ADGRL3: variants seen among roughly 807,000 people sequenced by gnomAD.
ADGRL3 encodes the protein adhesion G protein-coupled receptor L3.
A neutral mutation model predicts 153.5 loss-of-function variants in ADGRL3; 62 were observed. The observed-to-expected ratio is 0.40, with a 90% confidence interval of 0.33 to 0.50. The LOEUF is 0.50. ADGRL3 is among the 20% of genes least tolerant of loss of function. ADGRL3 has a pLI of 0.47. For missense variants in ADGRL3, 1,641 were observed against 1,859.4 expected (o/e 0.88, Z 2.16); for synonymous variants, 710 against 672.5 (o/e 1.06, Z -0.86).
intron 4 of ADGRL3, among the ~76,000 whole-genome samples, chr4:61,581,490 T>C (rs2098925318): frequency 6.6e-6 from 1 of 152,036 alleles, no homozygotes; most frequent in Non-Finnish European, 1.5e-5. Flanking sequence ...TCTTTTTGAA[T>C]GAACTTGACT....
chr4:61,465,319 AAAG>A lies in ADGRL3; in HGVS notation c.-173-31797_-173-31795del, dbSNP rs1385121665. Among the ~76,000 whole-genome samples, 5 of 152,282 alleles carry A rather than the reference AAAG, an allele frequency of 3.3e-5. No homozygotes were observed. The East Asian group carries it at 9.7e-4, about 29-fold the overall frequency. On this transcript the variant is annotated intron_variant, in intron 2 of 26. Transcript: ENST00000683033. ...TATTAAAGTTAGTATAGCATGTCCA[AAAG>A]AAGATGGGTAGGCTTTCATGAAATA...
In ADGRL3 at chr4:61,912,710, T is replaced by C. The variant is rs1474799094; in HGVS notation, c.2074-9T>C. 1.9e-6 allele frequency: 3 copies of C among 1,612,888 alleles called. No homozygotes were observed. The highest frequency in any genetic ancestry group is 2.5e-6 in the Non-Finnish European group (3 of 1,179,198). On this transcript the variant is annotated splice_polypyrimidine_tract_variant and intron_variant, in intron 12 of 26. Coordinates refer to ENST00000683033, the MANE Select transcript of ADGRL3 (RefSeq NM_001387552.1). ...TTCTGTGTTTAATCTGCTGTCTTAA[T>C]GGATTCAGCTTCAGAAAAGAGAGCG...
At chr4:61,372,135 A>T (rs1180486386) in intron 1 of ADGRL3, among the ~76,000 whole-genome samples, 2 of 151,848 alleles carry the variant, frequency 1.3e-5, no homozygotes, top group South Asian at 4.2e-4. Context: ...ATTCTTCTAA[A>T]TTTTTTTGAA....
intron 6 of ADGRL3, among the ~76,000 whole-genome samples, chr4:61,722,381 G>C (rs1489902342): frequency 6.6e-6 from 1 of 151,928 alleles, no homozygotes; most frequent in Admixed American, 6.6e-5. Flanking sequence ...AACCCAACAA[G>C]ACATTCCATG....
At chr4:61,728,675 T>C (rs1197198799) in intron 6 of ADGRL3, among the ~76,000 whole-genome samples, 2 of 152,044 alleles carry the variant, frequency 1.3e-5, no homozygotes, top group African/African-American at 2.4e-5. Flanking sequence ...CAGGAAGATA[T>C]TGCTATCTAA....
Position 61,996,367 on chromosome 4 carries a change from C to A in ADGRL3, c.3303+10C>A. The A allele has an allele frequency of 6.3e-7, 1 of 1,578,588 alleles. No homozygotes were observed. ...AACTTTGATAATTATGGTAAGAATT[C>A]CTAATTAACTATGTGTTTCCCAGAT... On this transcript the variant is annotated intron_variant, in intron 20 of 26. Transcript: ENST00000683033.
chr4:61,973,668 T>G (rs1202460233), intron 17 of ADGRL3, among the ~76,000 whole-genome samples: 3 of 152,096 alleles, frequency 2.0e-5, no homozygotes, highest in African/African-American at 7.2e-5. Context: ...AGAAGCTAAT[T>G]TCCTTGAAGT....
intron 1 of ADGRL3, among the ~76,000 whole-genome samples, chr4:61,369,503 T>C (rs1190213185): frequency 6.6e-6 from 1 of 152,092 alleles, no homozygotes; most frequent in Non-Finnish European, 1.5e-5. Context: ...GGTTTTTGTC[T>C]TTGGCTCTGT....
At chr4:61,998,410 C>T (rs1322345766) in intron 21 of ADGRL3, 145 bp downstream of exon 21, 1 of 446,128 alleles carries the variant, frequency 2.2e-6, no homozygotes, top group Admixed American at 4.1e-5. Context: ...GATTGACTAT[C>T]AAAGTGACTT....
At chr4:61,950,285 A>C (rs2098942121) in intron 17 of ADGRL3, among the ~76,000 whole-genome samples, 1 of 152,166 alleles carries the variant, frequency 6.6e-6, no homozygotes, top group Admixed American at 6.6e-5. Context: ...TATAGTTAAT[A>C]AGGTAGTGAT....
chr4:61,500,064 A>AGAG (rs58067932), intron 3 of ADGRL3, among the ~76,000 whole-genome samples: 3 of 147,276 alleles, frequency 2.0e-5, no homozygotes, highest in Non-Finnish European at 3.0e-5. Context: ...AGAGAGAGAG[A>AGAG]ATATCTCCAA....
In ADGRL3 at chr4:61,362,159, C is replaced by T. The variant is rs192458727; in HGVS notation, c.-239-20965C>T. ...CTGGGACTACAGGTCTGCACCACCA[C>T]GCCTGACTAATTTTTGTATTTTTAG... On this transcript the variant is annotated intron_variant, in intron 1 of 26. Transcript: ENST00000683033. Among the ~76,000 whole-genome samples, 790 of 150,970 alleles carry T rather than the reference C, an allele frequency of 5.2e-3. 15 individuals carry two copies. In the Middle Eastern group the frequency reaches 0.056, roughly 11 times the overall value.
intron 21 of ADGRL3, among the ~76,000 whole-genome samples, chr4:62,021,050 T>C (rs2099235700): frequency 6.6e-6 from 1 of 152,116 alleles, no homozygotes; most frequent in South Asian, 2.1e-4. Context: ...TCATCTTCTT[T>C]GTATTTACAC....
At chr4:61,823,781 G>T (rs772932564) in intron 9 of ADGRL3, among the ~76,000 whole-genome samples, 1 of 152,174 alleles carries the variant, frequency 6.6e-6, no homozygotes, top group Non-Finnish European at 1.5e-5. Flanking sequence ...TAATCCATAG[G>T]CTGGGCATGG....
At chr4:61,319,886 G>A (rs182516775) in intron 1 of ADGRL3, among the ~76,000 whole-genome samples, 2 of 151,960 alleles carry the variant, frequency 1.3e-5, no homozygotes, top group African/African-American at 4.8e-5. Flanking sequence ...TTCTCCTCTG[G>A]TATGTACTGA....
At chr4:61,284,427 T>G (rs1201291264) in intron 1 of ADGRL3, among the ~76,000 whole-genome samples, 1 of 151,834 alleles carries the variant, frequency 6.6e-6, no homozygotes, top group African/African-American at 2.4e-5. Flanking sequence ...GTGGACCAGT[T>G]TCTTGTTTTA....
At chr4:61,563,135 C>G (rs909025580) in intron 4 of ADGRL3, among the ~76,000 whole-genome samples, 5 of 152,014 alleles carry the variant, frequency 3.3e-5, no homozygotes, top group Non-Finnish European at 4.4e-5. Flanking sequence ...GTTGAAATTA[C>G]TCGATCTATA....
At chr4:61,347,888 C>G (rs1306307064) in intron 1 of ADGRL3, among the ~76,000 whole-genome samples, 1 of 152,040 alleles carries the variant, frequency 6.6e-6, no homozygotes, top group African/African-American at 2.4e-5. Flanking sequence ...TTTATTCTTT[C>G]TGAATCTATC....
At chr4:61,572,917 A>G (rs2149160702) in intron 4 of ADGRL3, among the ~76,000 whole-genome samples, 1 of 152,142 alleles carries the variant, frequency 6.6e-6, no homozygotes, top group South Asian at 2.1e-4. Context: ...CAGCATTTTG[A>G]GTTCCCAAGG....
Sources: allele counts gnomAD v4.1 joint callset (sites outside exome capture counted in the v4.1 genomes callset), GRCh38; gene constraint gnomAD v4.1.1; transcripts MANE v1.5; gene names NCBI Gene and HGNC (gene_info 2026-07-23, HGNC 2026-07-21).